CHFR: variants seen among roughly 807,000 people sequenced by gnomAD.
CHFR encodes E3 ubiquitin-protein ligase CHFR.
CHFR carries 57 observed loss-of-function variants against 87.6 expected under a neutral mutation model. The observed-to-expected ratio is 0.65, with a 90% CI of 0.53 to 0.81. The LOEUF (loss-of-function observed/expected upper bound fraction) is 0.81, where lower values mean the gene tolerates loss of function less well. Ranked by LOEUF, CHFR falls within the 30% of genes least tolerant of loss-of-function variation. The pLI is 0.00. For missense variants in CHFR, 797 were observed against 865.8 expected (o/e 0.92, Z 1.00); for synonymous variants, 381 against 359.2 (o/e 1.06, Z -0.69).
chr12:132,871,570 G>A (rs968076852), intron 4 of CHFR, among the ~76,000 whole-genome samples: 2 of 151,612 alleles, frequency 1.3e-5, no homozygotes, highest in Non-Finnish European at 2.9e-5. Context: ...TCGGGAGTTT[G>A]AGACCAGCCT....
chr12:132,857,260 G>A, intron 9 of CHFR, 145 bp downstream of exon 9: 1 of 870,986 alleles, frequency 1.1e-6, no homozygotes, highest in Non-Finnish European at 1.8e-6. Context: ...GCTGGTGGAG[G>A]GACCACCCTC....
chr12:132,835,887 A>G lies in CHFR; in HGVS notation c.*5667T>C. On this transcript the variant is annotated 3_prime_UTR_variant, in exon 18 of 18. Transcript: ENST00000450056. ...ATAGGCTCCCAGCACGGCGCACGGC[A>G]CTCACAGTGCCAGGCTCCCAGCACG... 9.8e-6 allele frequency: 2 copies of G among 203,164 alleles called. No individual in the cohort carries two copies. Among genetic ancestry groups the G allele is most frequent in the South Asian group, 8.1e-5 (2 of 24,556 alleles). The allele number at this position is 203,164 out of a possible 1,614,324, so 12.6% of individuals were successfully genotyped here. A position where few individuals can be genotyped will look rare whatever the true frequency, so the allele number is the denominator to read the frequency against.
chr12:132,852,137 C>T (rs911796004), intron 11 of CHFR, among the ~76,000 whole-genome samples: 3 of 150,220 alleles, frequency 2.0e-5, no homozygotes. Context: ...GTGCCTGCCA[C>T]GCCTGGCTAA....
At chr12:132,842,319 C>T (rs1222084044) in intron 17 of CHFR, among the ~76,000 whole-genome samples, 1 of 152,220 alleles carries the variant, frequency 6.6e-6, no homozygotes, top group Non-Finnish European at 1.5e-5. Flanking sequence ...TGAAAACTGT[C>T]TGCCAGTCAA....
In CHFR at chr12:132,857,481, G is replaced by A; in HGVS notation, c.990C>T (p.Cys330=). Residue 330 remains cysteine (C), a synonymous_variant, in exon 9 of 18, where the codon TGC becomes TGT. Transcript: ENST00000450056. The part of the protein sequence containing the change: ...WMERSSLCPT[C]RCPVERICKN... ...TACAGATCCGCTCCACGGGACAGCG[G>A]CAGGTAGGACACAGGGACGAGCGCT... is the stretch of plus-strand genomic sequence containing the variant. The A allele has an allele frequency of 6.2e-7, 1 of 1,614,178 alleles. No homozygotes were observed. Among genetic ancestry groups the A allele is most frequent in the Non-Finnish European group, 8.5e-7 (1 of 1,180,002 alleles).
intron 8 of CHFR, among the ~76,000 whole-genome samples, chr12:132,858,379 C>CA (rs1451507697): frequency 6.7e-6 from 1 of 148,770 alleles, no homozygotes; most frequent in African/African-American, 2.5e-5. Flanking sequence ...AAAACAAAAA[C>CA]AAAAAACCAC....
rs901571569 is a variant in CHFR, at chr12:132,859,322, C to G, written c.752-95G>C. 3 of 1,203,116 alleles carry G rather than the reference C, an allele frequency of 2.5e-6. No individual in the cohort carries two copies. In the African/African-American group the frequency reaches 4.6e-5, roughly 19 times the overall value. The allele number at this position is 1,203,116 out of a possible 1,614,324, so 74.5% of individuals were successfully genotyped here. The stretch of plus-strand genomic sequence containing the variant: ...CGTCCACAGGAGAAAGGGATGTGTT[C>G]TAACTGTCGTAACCGAGAAGGAAAT... On this transcript the variant is annotated intron_variant, in intron 7 of 17. Coordinates refer to ENST00000450056, the MANE Select transcript of CHFR (RefSeq NM_001161346.2).
chr12:132,844,902 G>A (rs1950785399), intron 15 of CHFR, among the ~76,000 whole-genome samples: 2 of 152,034 alleles, frequency 1.3e-5, no homozygotes, highest in Admixed American at 1.3e-4. Context: ...CAAAATGCTG[G>A]GATTACAGGC....
At chr12:132,884,335 C>T (rs796667828) in intron 2 of CHFR, among the ~76,000 whole-genome samples, 26 of 151,112 alleles carry the variant, frequency 1.7e-4, no homozygotes, top group African/African-American at 6.1e-4. Flanking sequence ...AGGAGAATTG[C>T]TTGAACCCGG....
intron 15 of CHFR, 128 bp downstream of exon 15, chr12:132,846,915 G>T: frequency 1.4e-6 from 1 of 703,836 alleles, no homozygotes; most frequent in Non-Finnish European, 2.5e-6. Context: ...CAACCTGAAA[G>T]CATCAGGATC....
In CHFR at chr12:132,853,422, G is replaced by A. The variant is rs377661913; in HGVS notation, c.1372+9C>T. On this transcript the variant is annotated intron_variant, in intron 11 of 17. Transcript: ENST00000450056. Reference sequence around the variant, plus strand: ...GCGAAGGCTGAGGCCTGAGGGCGGCGCGGCTCACCTGTCGTCAGGCTGACG... The same window carrying A: ...GCGAAGGCTGAGGCCTGAGGGCGGCACGGCTCACCTGTCGTCAGGCTGACG... The A allele has an allele frequency of 1.5e-5, 22 of 1,515,614 alleles. No individual in the cohort carries two copies. Among genetic ancestry groups the A allele is most frequent in the South Asian group, 1.0e-4 (8 of 78,398 alleles). 93.9% of individuals were successfully genotyped at this position (1,515,614 alleles called of 1,614,324 possible).
chr12:132,848,613 C>G, intron 13 of CHFR, 28 bp downstream of exon 13: 1 of 1,548,130 alleles, frequency 6.5e-7, no homozygotes, highest in African/African-American at 1.4e-5. Flanking sequence ...AAGGTCAAAG[C>G]AACTGGGGCC....
chr12:132,881,613 A>C (rs1172740988), intron 2 of CHFR, among the ~76,000 whole-genome samples: 1 of 152,078 alleles, frequency 6.6e-6, no homozygotes, highest in African/African-American at 2.4e-5. Context: ...CACGCCTGTA[A>C]TCCCAGCACT....
intron 8 of CHFR, among the ~76,000 whole-genome samples, chr12:132,858,411 G>A (rs192574973): frequency 1.5e-4 from 22 of 151,026 alleles, no homozygotes; most frequent in East Asian, 7.9e-4. Context: ...TGGCGAAACC[G>A]TCTCTACAAA....
At chr12:132,880,428 G>C (rs540750625) in intron 2 of CHFR, among the ~76,000 whole-genome samples, 3 of 152,244 alleles carry the variant, frequency 2.0e-5, no homozygotes, top group South Asian at 4.1e-4. Context: ...AGGCCAAGGG[G>C]GGGGCGGATC....
chr12:132,861,981 C>G (rs1396857272), intron 6 of CHFR: 1 of 233,990 alleles, frequency 4.3e-6, no homozygotes, highest in African/African-American at 2.2e-5. Context: ...CTTGTTACAA[C>G]AGAGCTTTGG....
rs957212862 is a variant in CHFR at position 132,840,540 on chromosome 12, CTT to C, written c.*1012_*1013del. On this transcript the variant is annotated 3_prime_UTR_variant, in exon 18 of 18. Coordinates refer to ENST00000450056, the MANE Select transcript of CHFR (RefSeq NM_001161346.2). ...GGTGATTTCAACAAAAGATAAAAAA[CTT>C]TTTTTTCCAAAAATCAAAATTTCAA... 2 of 152,702 alleles carry C rather than the reference CTT, an allele frequency of 1.3e-5. No individual in the cohort carries two copies. Among genetic ancestry groups the C allele is most frequent in the African/African-American group, 4.8e-5 (2 of 41,580 alleles). The allele number at this position is 152,702 out of a possible 1,614,324, so 9.5% of individuals were successfully genotyped here. A position where few individuals can be genotyped will look rare whatever the true frequency, so the allele number is the denominator to read the frequency against.
At chr12:132,870,054 T>A (rs1335735923) in intron 5 of CHFR, among the ~76,000 whole-genome samples, 1 of 151,712 alleles carries the variant, frequency 6.6e-6, no homozygotes. Flanking sequence ...ACTAAAAATA[T>A]AAAAATTAGC....
chr12:132,859,352 GCA>G, intron 7 of CHFR, 125 bp from the exon 8 acceptor site: 3 of 949,084 alleles, frequency 3.2e-6, no homozygotes, highest in Non-Finnish European at 4.7e-6. Flanking sequence ...GGAAATACAT[GCA>G]GTCTTTTTTT....
Sources: gnomAD v4.1 joint callset for allele counts (sites outside exome capture counted in the v4.1 genomes callset) on GRCh38, gnomAD v4.1.1 for gene constraint, MANE v1.5 for transcripts, NCBI Gene and HGNC (gene_info 2026-07-23, HGNC 2026-07-21) for gene names.